Variants in PRKCE observed in about 807,000 individuals in gnomAD.
PRKCE encodes protein kinase C epsilon type.
PRKCE carries 16 observed loss-of-function variants against 85.4 expected under a neutral mutation model. The observed-to-expected ratio is 0.19, with a 90% CI of 0.13 to 0.28. The LOEUF (loss-of-function observed/expected upper bound fraction) is 0.28. Ranked by LOEUF, PRKCE falls within the 10% of genes least tolerant of loss-of-function variation. The pLI is 1.00. For missense variants in PRKCE, 573 were observed against 975.2 expected (o/e 0.59, Z 5.49); for synonymous variants, 388 against 371.5 (o/e 1.04, Z -0.51).
chr2:45,855,292 T>G (rs116435608), intron 2 of PRKCE, among the ~76,000 whole-genome samples: 2,579 of 152,056 alleles, frequency 0.017, 63 homozygotes, highest in African/African-American at 0.059. Flanking sequence ...AGAAAAAGAG[T>G]GTATGAAATA....
In PRKCE at chr2:45,972,504, C is replaced by A. The variant is rs565577667; in HGVS notation, c.413-3925C>A. Among the ~76,000 whole-genome samples the A allele has an allele frequency of 3.9e-5, 6 of 152,160 alleles. No individual in the cohort carries two copies. The South Asian group carries it at 1.2e-3, about 32-fold the overall frequency. ...AACTTGTTTATTTTTGCTTTTGTTG[C>A]CTTTTTGGTGTCATATCTAAGAAAT... On this transcript the variant is annotated intron_variant, in intron 2 of 14. Transcript: ENST00000306156.
intron 2 of PRKCE, among the ~76,000 whole-genome samples, chr2:45,846,977 CTG>C (rs1250223121): frequency 6.6e-6 from 1 of 152,222 alleles, no homozygotes; most frequent in Non-Finnish European, 1.5e-5. Context: ...TTCAGGGAAA[CTG>C]TTCAAGGACA....
intron 11 of PRKCE, among the ~76,000 whole-genome samples, chr2:46,132,844 A>G (rs148411194): frequency 6.6e-6 from 1 of 152,358 alleles, no homozygotes; most frequent in East Asian, 1.9e-4. Context: ...CTGTCCCTTC[A>G]GAGGTCAGTC....
intron 1 of PRKCE, among the ~76,000 whole-genome samples, chr2:45,805,320 T>C (rs895022954): frequency 2.0e-5 from 3 of 152,168 alleles, no homozygotes; most frequent in African/African-American, 2.4e-5. Context: ...ACATAAGGCC[T>C]TTTAAGTTTG....
chr2:45,663,073 C>G (rs1231573295), intron 1 of PRKCE, among the ~76,000 whole-genome samples: 1 of 152,152 alleles, frequency 6.6e-6, no homozygotes, highest in Admixed American at 6.5e-5. Context: ...TTTCAGGTCT[C>G]TGTGATCAAA....
At chr2:45,897,717 G>A (rs779428272) in intron 2 of PRKCE, among the ~76,000 whole-genome samples, 2 of 152,188 alleles carry the variant, frequency 1.3e-5, no homozygotes, top group African/African-American at 2.4e-5. Context: ...GAGGAGTCAA[G>A]GTCAGTGTGG....
chr2:45,826,681 G>A (rs903116186), intron 1 of PRKCE, among the ~76,000 whole-genome samples: 14 of 152,246 alleles, frequency 9.2e-5, no homozygotes, highest in African/African-American at 3.4e-4. Flanking sequence ...GTGCAAACCT[G>A]CTCCTGTTCA....
chr2:46,176,465 G>A (rs774867787), intron 14 of PRKCE, among the ~76,000 whole-genome samples: 1 of 152,132 alleles, frequency 6.6e-6, no homozygotes, highest in Non-Finnish European at 1.5e-5. Flanking sequence ...CCGTCTCCCA[G>A]TATTCAGAAA....
chr2:45,716,032 G>A (rs10174984), intron 1 of PRKCE, among the ~76,000 whole-genome samples: 14,928 of 152,130 alleles, frequency 0.098, 891 homozygotes, highest in East Asian at 0.16. Context: ...TTCAGTTTTC[G>A]CTTCCAAGGT....
chr2:45,837,092 A>G (rs77214128), intron 1 of PRKCE, among the ~76,000 whole-genome samples: 4,881 of 152,304 alleles, frequency 0.032, 221 homozygotes, highest in East Asian at 0.13. Context: ...GTGTACAGAT[A>G]ACCTGTGGAT....
intron 1 of PRKCE, among the ~76,000 whole-genome samples, chr2:45,784,304 C>T (rs1686422803): frequency 6.6e-6 from 1 of 152,214 alleles, no homozygotes; most frequent in Admixed American, 6.5e-5. Flanking sequence ...GTTGACAAGG[C>T]CCCTGTAGGC....
At position 46,151,859 on chromosome 2, in the gene PRKCE, G is replaced by A. The variant is rs555442443; in HGVS notation, c.1920+630G>A. Among the ~76,000 whole-genome samples, 5 of 152,328 alleles carry A rather than the reference G, an allele frequency of 3.3e-5. No individual in the cohort carries two copies. In the South Asian group the frequency reaches 6.2e-4, roughly 19 times the overall value. On this transcript the variant is annotated intron_variant, in intron 13 of 14. Coordinates refer to ENST00000306156, the MANE Select transcript of PRKCE (RefSeq NM_005400.3). ...GCTTTCTCAGCACAGCCATCTCTAC[G>A]ATGTAACAATGCTTGTACTGTGTCA...
intron 11 of PRKCE, among the ~76,000 whole-genome samples, chr2:46,093,403 G>GT (rs34795658): frequency 0.016 from 2,350 of 146,070 alleles, 43 homozygotes; most frequent in African/African-American, 0.044. Flanking sequence ...TAAAAAAGCA[G>GT]TTTTTTTTTT....
At chr2:46,056,094 C>A (rs1202868293) in intron 10 of PRKCE, among the ~76,000 whole-genome samples, 1 of 152,178 alleles carries the variant, frequency 6.6e-6, no homozygotes, top group African/African-American at 2.4e-5. Context: ...ATTTTCTCAT[C>A]TGTAAAATGG....
intron 14 of PRKCE, among the ~76,000 whole-genome samples, chr2:46,173,317 A>G (rs538316229): frequency 3.3e-5 from 5 of 152,348 alleles, no homozygotes; most frequent in South Asian, 4.1e-4. Flanking sequence ...CGGAGTGGTT[A>G]TGACAGAGAC....
intron 10 of PRKCE, among the ~76,000 whole-genome samples, chr2:46,034,894 G>C (rs1707762141): frequency 6.6e-6 from 1 of 152,248 alleles, no homozygotes; most frequent in African/African-American, 2.4e-5. Context: ...AAACCATTCT[G>C]AGACTGCTAG....
intron 2 of PRKCE, among the ~76,000 whole-genome samples, chr2:45,879,271 A>T (rs753619996): frequency 2.0e-5 from 3 of 152,256 alleles, no homozygotes; most frequent in Non-Finnish European, 4.4e-5. Context: ...GAGGATGGCC[A>T]GACTTCAGGG....
chr2:45,665,649 G>A (rs1362590815), intron 1 of PRKCE, among the ~76,000 whole-genome samples: 4 of 152,112 alleles, frequency 2.6e-5, no homozygotes, highest in Admixed American at 6.6e-5. Context: ...AGTTGCCAGA[G>A]GAAATACAGG....
intron 1 of PRKCE, among the ~76,000 whole-genome samples, chr2:45,706,698 C>G (rs554771309): frequency 9.8e-5 from 15 of 152,316 alleles, no homozygotes; most frequent in African/African-American, 3.1e-4. Flanking sequence ...TTTGGCCCCC[C>G]ACAATGAATT....
Sources: gnomAD v4.1 joint callset for allele counts (sites outside exome capture counted in the v4.1 genomes callset) on GRCh38, gnomAD v4.1.1 for gene constraint, MANE v1.5 for transcripts, NCBI Gene and HGNC (gene_info 2026-07-23, HGNC 2026-07-21) for gene names.